Variants in RNF17 observed in about 807,000 individuals in gnomAD.
The protein encoded by RNF17 is spermatogenesis associated 23.
In RNF17, 31 loss-of-function variants were observed where a neutral mutation model predicts 200.5. The ratio of observed to expected loss-of-function variants is 0.15; its 90% CI spans 0.12 to 0.21. The LOEUF (loss-of-function observed/expected upper bound fraction) is 0.21, where lower values mean the gene tolerates loss of function less well. Ranked by LOEUF, RNF17 falls within the 10% of genes least tolerant of loss-of-function variation. The pLI is 1.00. For missense variants in RNF17, 1,628 were observed against 1,905.1 expected, an observed-to-expected ratio of 0.85 and a Z score of 2.71; for synonymous variants, 606 against 637.8, an observed-to-expected ratio of 0.95 and a Z score of 0.75.
chr13:24,792,471 G>A (rs1021101519), intron 9 of RNF17, among the ~76,000 whole-genome samples: 1 of 152,242 alleles, frequency 6.6e-6, no homozygotes, highest in Non-Finnish European at 1.5e-5. Context: ...AAGTGGTGTT[G>A]TATAAGTCAA....
chr13:24,847,521 T>C (rs1891398257), intron 22 of RNF17, among the ~76,000 whole-genome samples: 2 of 152,024 alleles, frequency 1.3e-5, no homozygotes, highest in South Asian at 4.1e-4. Flanking sequence ...AAGTTTTGTA[T>C]TTTTAGTAGA....
At chr13:24,752,260 T>A in the RNF17 span, 1 of 169,224 alleles carries the variant, frequency 5.9e-6, no homozygotes, top group Non-Finnish European at 1.3e-5. Flanking sequence ...AATGTCAATG[T>A]GGCATTTTCA....
At position 24,850,379 on chromosome 13, in the gene RNF17, G is replaced by C; in HGVS notation, c.3140G>C (p.Cys1047Ser). The stretch of plus-strand genomic sequence containing the variant: ...AGTGACAAGTGGACAGCAACAGCTT[G>C]TGACTGTCTTTCATTGTACCTGACT... The part of the protein sequence containing the change: ...GGSDKWTATA[C>S]DCLSLYLTGA... The change falls in exon 23 of 36, where the codon TGT (cysteine) becomes TCT (serine). Residue 1047 changes from cysteine to serine, a missense_variant. Around this residue, in one of 5 missense-constraint regions of RNF17, gnomAD observed 227 missense variants for 319.8 expected, o/e 0.71. Coordinates refer to ENST00000255324, the MANE Select transcript of RNF17 (RefSeq NM_031277.3). The C allele has an allele frequency of 6.2e-7, 1 of 1,613,768 alleles. No individual in the cohort carries two copies.
At chr13:24,873,956 T>C (rs1223043490) in intron 32 of RNF17, among the ~76,000 whole-genome samples, 158 bp from the exon 33 acceptor site, 1 of 152,242 alleles carries the variant, frequency 6.6e-6, no homozygotes. Flanking sequence ...TCCATTCATC[T>C]GTTGATGGAC....
At chr13:24,802,622 G>C in intron 14 of RNF17, 51 bp downstream of exon 14, 1 of 1,438,414 alleles carries the variant, frequency 7.0e-7, no homozygotes, top group South Asian at 1.4e-5. Context: ...AGCTATAAAT[G>C]AGAGTAGCAG....
rs146827961 is a variant in RNF17 at position 24,870,573 on chromosome 13, G to A, written c.4281G>A (p.Val1427=). ...QVKHVVSPNE[V]YICLDSIETS... is the part of the protein sequence containing the mutation. ...TTCCTTTCATTCTCCCCACTTAGGT[G>A]TATATTTGCCTTGATTCTATAGAAA... The change falls in exon 32 of 36, where the codon GTG becomes GTA. Residue 1427 remains valine (V), a splice_region_variant and synonymous_variant. Transcript: ENST00000255324. 1.6e-3 allele frequency: 2,552 copies of A among 1,611,324 alleles called. 4 individuals are homozygous for A. The highest frequency in any genetic ancestry group is 2.0e-3 in the Non-Finnish European group (2,391 of 1,178,682).
intron 25 of RNF17, among the ~76,000 whole-genome samples, chr13:24,858,130 A>G (rs967462169): frequency 1.1e-4 from 17 of 152,132 alleles, no homozygotes; most frequent in Non-Finnish European, 2.1e-4. Context: ...ATTAGTACCT[A>G]TGGATAAGGG....
intron 16 of RNF17, among the ~76,000 whole-genome samples, chr13:24,827,727 A>AAAAAC (rs1888890234): frequency 6.8e-6 from 1 of 147,934 alleles, no homozygotes; most frequent in East Asian, 2.0e-4. Context: ...ACAAAAAAAA[A>AAAAAC]AAAACAATAG....
chr13:24,772,167 G>A lies in RNF17; in HGVS notation c.226-2646G>A, dbSNP rs146275449. 2.9e-3 allele frequency among the ~76,000 whole-genome samples: 440 copies of A among 152,194 alleles called. 3 individuals carry two copies. The highest frequency in any genetic ancestry group is 0.017 in the Middle Eastern group (5 of 294). ...AAATCCCACTTGTATTCTATATTAAGTTCTCATAGAGAGTTGGGTCTGTTT... is the reference window on the plus strand; with the variant it reads ...AAATCCCACTTGTATTCTATATTAAATTCTCATAGAGAGTTGGGTCTGTTT... On this transcript the variant is annotated intron_variant, in intron 2 of 35. Coordinates refer to ENST00000255324, the MANE Select transcript of RNF17 (RefSeq NM_031277.3).
At chr13:24,827,712 A>C (rs1323380962) in intron 16 of RNF17, among the ~76,000 whole-genome samples, 1 of 120,572 alleles carries the variant, frequency 8.3e-6, no homozygotes, top group African/African-American at 3.7e-5. Context: ...AAAAAAAAAA[A>C]AAAAACAAAA....
At chr13:24,773,354 A>G (rs1881062758) in intron 2 of RNF17, among the ~76,000 whole-genome samples, 2 of 152,246 alleles carry the variant, frequency 1.3e-5, no homozygotes, top group African/African-American at 4.8e-5. Flanking sequence ...CGTATACACC[A>G]CAGAATACTA....
intron 2 of RNF17, among the ~76,000 whole-genome samples, chr13:24,773,446 G>A (rs1471064446): frequency 1.3e-5 from 2 of 152,190 alleles, no homozygotes; most frequent in African/African-American, 2.4e-5. Flanking sequence ...GCAAATTAAT[G>A]CAGAAACAGA....
chr13:24,807,489 T>C (rs1303364424), intron 15 of RNF17, among the ~76,000 whole-genome samples: 1 of 152,170 alleles, frequency 6.6e-6, no homozygotes, highest in Non-Finnish European at 1.5e-5. Context: ...CACTTTTTGA[T>C]GGGGTTGTTT....
intron 26 of RNF17, among the ~76,000 whole-genome samples, chr13:24,860,360 A>G (rs1892971862): frequency 6.6e-6 from 1 of 152,088 alleles, no homozygotes; most frequent in African/African-American, 2.4e-5. Context: ...TGATAGTTTA[A>G]TCATCACCTT....
chr13:24,842,878 T>C (rs3759459), intron 19 of RNF17, among the ~76,000 whole-genome samples: 18,690 of 151,706 alleles, frequency 0.12, 1,419 homozygotes, highest in East Asian at 0.28. Context: ...TCCCAGCTAC[T>C]CGGGAGGCTG....
rs114638744 is a variant in RNF17, at chr13:24,796,438, A to G, written c.1399+143A>G. 1,892 of 533,680 alleles carry G rather than the reference A, an allele frequency of 3.5e-3. 39 individuals are homozygous for G. Among genetic ancestry groups the G allele is most frequent in the African/African-American group, 0.032 (1,638 of 51,098 alleles). The allele number at this position is 533,680 out of a possible 1,614,324, so 33.1% of individuals were successfully genotyped here. A position where few individuals can be genotyped will look rare whatever the true frequency, so the allele number is the denominator to read the frequency against. On this transcript the variant is annotated intron_variant, in intron 11 of 35. Transcript: ENST00000255324. ...AGCATAAAAGTTTTAGGATTATTTA[A>G]CATAAATTATTTAGGCAAATTAGCT...
At chr13:24,836,121 T>C (rs1889968600) in intron 18 of RNF17, among the ~76,000 whole-genome samples, 2 of 152,108 alleles carry the variant, frequency 1.3e-5, no homozygotes, top group Admixed American at 6.5e-5. Context: ...AAAGAAAATA[T>C]GAACAAAGCC....
chr13:24,817,848 T>G (rs1266200606), intron 15 of RNF17, among the ~76,000 whole-genome samples: 1 of 152,186 alleles, frequency 6.6e-6, no homozygotes, highest in African/African-American at 2.4e-5. Context: ...TTTGCTGATC[T>G]TTTCAAATAA....
downstream of RNF17, chr13:24,883,978 A>G (rs758358045): frequency 3.8e-5 from 62 of 1,614,046 alleles, no homozygotes; most frequent in Non-Finnish European, 4.5e-5. Flanking sequence ...TACTCTGACA[A>G]TTGTACCATC....
Sources: allele counts gnomAD v4.1 joint callset (sites outside exome capture counted in the v4.1 genomes callset), GRCh38; gene constraint gnomAD v4.1.1; regional missense constraint gnomAD v4.1.1; transcripts MANE v1.5; gene names NCBI Gene and HGNC (gene_info 2026-07-23, HGNC 2026-07-21).